The following PCSK1 variants were observed in gnomAD, a reference collection of about 807,000 sequenced individuals.
The protein encoded by PCSK1 is proprotein convertase subtilisin/kexin type 1.
In PCSK1, 56 loss-of-function variants were observed where a neutral mutation model predicts 90.6. The observed-to-expected ratio is 0.62, with a 90% CI of 0.50 to 0.77. The LOEUF (loss-of-function observed/expected upper bound fraction) is 0.77. Among genes scored for constraint, PCSK1 ranks in the 30% least tolerant of loss-of-function variants. PCSK1 has a pLI of 0.00. For missense variants in PCSK1, 801 were observed against 932.6 expected (o/e 0.86, Z 1.84); for synonymous variants, 348 against 342.4 (o/e 1.02, Z -0.18).
In PCSK1 at chr5:96,390,713, T is replaced by C. The variant is rs886060874; in HGVS notation, c.*2288A>G. On this transcript the variant is annotated 3_prime_UTR_variant, in exon 14 of 14. Transcript: ENST00000311106. ...ATTATAAATACCTGTAAAGAAAATA[T>C]AGTTTAAAATTTCAAGGGAAATAGT... 5.2e-5 allele frequency: 8 copies of C among 152,738 alleles called. No homozygotes were observed. Among genetic ancestry groups the C allele is most frequent in the South Asian group, 2.1e-4 (1 of 4,830 alleles). The allele number at this position is 152,738 out of a possible 1,614,324, so 9.5% of individuals were successfully genotyped here. A position where few individuals can be genotyped will look rare whatever the true frequency, so the allele number is the denominator to read the frequency against.
At chr5:96,401,430 C>T (rs541328078) in intron 9 of PCSK1, among the ~76,000 whole-genome samples, 297 of 152,302 alleles carry the variant, frequency 2.0e-3, no homozygotes, top group African/African-American at 6.9e-3. Context: ...GCGATGAGAA[C>T]CTGGCATGCC....
chr5:96,421,757 T>C (rs1761135106), intron 5 of PCSK1, 123 bp downstream of exon 5: 4 of 744,708 alleles, frequency 5.4e-6, no homozygotes. Flanking sequence ...TATTGTGGTA[T>C]GGATGTTGTG....
At chr5:96,418,262 A>G (rs1324673558) in intron 5 of PCSK1, among the ~76,000 whole-genome samples, 1 of 152,196 alleles carries the variant, frequency 6.6e-6, no homozygotes, top group Non-Finnish European at 1.5e-5. Flanking sequence ...TTCTTTTCTA[A>G]GTGAGGTGCT....
At chr5:96,423,094 C>T (rs1761177682) in intron 4 of PCSK1, among the ~76,000 whole-genome samples, 1 of 152,144 alleles carries the variant, frequency 6.6e-6, no homozygotes, top group South Asian at 2.1e-4. Context: ...AACACATATA[C>T]TTTTGTACAA....
intron 6 of PCSK1, among the ~76,000 whole-genome samples, chr5:96,412,765 T>G (rs978981634): frequency 3.4e-5 from 5 of 145,596 alleles, no homozygotes; most frequent in Non-Finnish European, 7.4e-5. Context: ...TTTTTTTTTT[T>G]TTTTTTTTTT....
chr5:96,430,042 C>T (rs999475544), intron 1 of PCSK1, among the ~76,000 whole-genome samples: 17 of 152,124 alleles, frequency 1.1e-4, no homozygotes, highest in Non-Finnish European at 1.0e-4. Flanking sequence ...AATAAATTAT[C>T]GTTGTTATAA....
rs57397343 is a variant in PCSK1, at chr5:96,412,752, GTTT to G, written c.710-265_710-263del. Among the ~76,000 whole-genome samples, 6 of 71,802 alleles carry G rather than the reference GTTT, an allele frequency of 8.4e-5. No individual in the cohort carries two copies. In the South Asian group the frequency reaches 1.6e-3, roughly 19 times the overall value. 47.1% of individuals were successfully genotyped at this position (71,802 alleles called of 152,430 possible). Reference sequence around the variant, plus strand: ...CATGCACTGTGTAGGCAGCTGTGATGTTTTTTTTTTTTTTTTTTTTTTTGGTCC... The same window carrying G: ...CATGCACTGTGTAGGCAGCTGTGATGTTTTTTTTTTTTTTTTTTTTGGTCC... On this transcript the variant is annotated intron_variant, in intron 6 of 13. Transcript: ENST00000311106.
rs456709 is a variant in PCSK1, at chr5:96,423,719, C to T, written c.397-260G>A. Among the ~76,000 whole-genome samples the T allele has an allele frequency of 0.37, 56,715 of 152,004 alleles. 10,840 individuals are homozygous for T. Among genetic ancestry groups the T allele is most frequent in the East Asian group, 0.46 (2,392 of 5,176 alleles). ...ACCTGTGCTCCTTCTCTTTGAACTA[C>T]ATGGCTTTGAAGAATTTTATCCCTA... is the stretch of plus-strand genomic sequence containing the variant. On this transcript the variant is annotated intron_variant, in intron 3 of 13. Transcript: ENST00000311106.
chr5:96,426,119 A>G (rs935697354), intron 2 of PCSK1, among the ~76,000 whole-genome samples, 189 bp from the exon 3 acceptor site: 1 of 152,170 alleles, frequency 6.6e-6, no homozygotes, highest in Non-Finnish European at 1.5e-5. Context: ...TATTTCCTCT[A>G]TTACAGTAAA....
chr5:96,429,428 TG>T, intron 1 of PCSK1, 111 bp from the exon 2 acceptor site: 1 of 658,954 alleles, frequency 1.5e-6, no homozygotes, highest in Non-Finnish European at 2.7e-6. Context: ...AGCCCATTCC[TG>T]GTATCTGAAA....
intron 1 of PCSK1, among the ~76,000 whole-genome samples, chr5:96,431,587 G>A (rs1761499346): frequency 6.6e-6 from 1 of 152,146 alleles, no homozygotes; most frequent in African/African-American, 2.4e-5. Flanking sequence ...GGCAAGGGCT[G>A]GCCAAAAGCA....
In PCSK1 at chr5:96,412,951, T is replaced by C. The variant is rs560123046; in HGVS notation, c.710-461A>G. On this transcript the variant is annotated intron_variant, in intron 6 of 13. Coordinates refer to ENST00000311106, the MANE Select transcript of PCSK1 (RefSeq NM_000439.5). ...TTCAGAAAGACCCTCCAAGCAGCCC[T>C]CTGGTGATGCACCTCCTCATGGCTG... 72 of 985,070 alleles carry C rather than the reference T, an allele frequency of 7.3e-5. 1 individual carries two copies. The Admixed American group carries it at 1.7e-3, about 23-fold the overall frequency. 61.0% of individuals were successfully genotyped at this position (985,070 alleles called of 1,614,324 possible).
At position 96,411,896 on chromosome 5, in the gene PCSK1, G is replaced by A. The variant is rs148542051; in HGVS notation, c.882+422C>T. Among the ~76,000 whole-genome samples the A allele has an allele frequency of 5.0e-3, 764 of 152,220 alleles. 8 individuals are homozygous for A. Among genetic ancestry groups the A allele is most frequent in the African/African-American group, 0.017 (725 of 41,524 alleles). ...GCAATCTCAGCTCACTGCTACCTCC[G>A]CCTTCTGGGTTCAAGCAATTCTTGT... On this transcript the variant is annotated intron_variant, in intron 7 of 13. Transcript: ENST00000311106.
At chr5:96,408,752 G>A (rs145793022) in intron 8 of PCSK1, among the ~76,000 whole-genome samples, 193 of 152,302 alleles carry the variant, frequency 1.3e-3, no homozygotes, top group Non-Finnish European at 2.0e-3. Context: ...ACATTTGGCT[G>A]CCTCTTCAGC....
chr5:96,429,987 C>G (rs1012058817), intron 1 of PCSK1, among the ~76,000 whole-genome samples: 1 of 152,164 alleles, frequency 6.6e-6, no homozygotes, highest in Non-Finnish European at 1.5e-5. Flanking sequence ...GGTAAGCAGG[C>G]AAACACCTGG....
At chr5:96,416,709 T>C (rs1427355788) in intron 5 of PCSK1, among the ~76,000 whole-genome samples, 2 of 152,188 alleles carry the variant, frequency 1.3e-5, no homozygotes, top group African/African-American at 4.8e-5. Context: ...GAGCTTGAGA[T>C]ATTTGCAAGA....
In PCSK1 at chr5:96,408,289, G is replaced by T; in HGVS notation, c.1130C>A (p.Thr377Lys). The T allele has an allele frequency of 6.2e-7, 1 of 1,614,060 alleles. No homozygotes were observed. Among genetic ancestry groups the T allele is most frequent in the South Asian group, 1.1e-5 (1 of 91,076 alleles). Residue 377 changes from threonine to lysine, a missense_variant, in exon 9 of 14, where the codon ACG becomes AAG. Transcript: ENST00000311106. ...TGCAGAGGCCGAGGTGCCTGTGTGC[G>T]TCTCCGTGCAGTCATTGTGCAGGTC... The part of the protein sequence containing the change: ...SADLHNDCTE[T>K]HTGTSASAPL...
chr5:96,393,136 T>C lies in PCSK1; in HGVS notation c.2127A>G (p.Lys709=). Residue 709 remains lysine (K), a synonymous_variant, in exon 14 of 14, where the codon AAA becomes AAG. Transcript: ENST00000311106. ...CTTCAGAGTCTTTAAGCTGGGAAGG[T>C]TTGTTCAGCTTTTCCAGGGCTTCGT... ...NFYEALEKLN[K]PSQLKDSEDS... 1.2e-6 allele frequency: 2 copies of C among 1,614,078 alleles called. No individual in the cohort carries two copies. The highest frequency in any genetic ancestry group is 1.7e-6 in the Non-Finnish European group (2 of 1,180,002).
At chr5:96,393,561 G>A (rs1760030774) in intron 13 of PCSK1, among the ~76,000 whole-genome samples, 183 bp from the exon 14 acceptor site, 1 of 152,032 alleles carries the variant, frequency 6.6e-6, no homozygotes, top group Admixed American at 6.5e-5. Context: ...TACCCTCTGG[G>A]GTACCTTTAA....
Sources: gnomAD v4.1 joint callset for allele counts (sites outside exome capture counted in the v4.1 genomes callset) on GRCh38, gnomAD v4.1.1 for gene constraint, MANE v1.5 for transcripts, NCBI Gene and HGNC (gene_info 2026-07-23, HGNC 2026-07-21) for gene names.